MMP16: variants seen among roughly 807,000 people sequenced by gnomAD.
MMP16 encodes matrix metallopeptidase 16.
In MMP16, 12 loss-of-function variants were observed where a neutral mutation model predicts 67.8. The observed-to-expected ratio is 0.18, with a 90% CI of 0.11 to 0.29. The LOEUF (loss-of-function observed/expected upper bound fraction) is 0.29. MMP16 is among the 10% of genes least tolerant of loss of function. MMP16 has a pLI of 1.00. For synonymous variants in MMP16, 249 were observed against 255.9 expected (o/e 0.97, Z 0.26); for missense variants, 475 against 765.7 (o/e 0.62, Z 4.48).
intron 1 of MMP16, among the ~76,000 whole-genome samples, chr8:88,274,383 T>A (rs904518339): frequency 6.6e-6 from 1 of 152,102 alleles, no homozygotes; most frequent in Non-Finnish European, 1.5e-5. Flanking sequence ...TTGTGATTAG[T>A]CTCTGATTAC....
At chr8:88,325,955 C>A (rs928396485) in intron 1 of MMP16, among the ~76,000 whole-genome samples, 1 of 152,124 alleles carries the variant, frequency 6.6e-6, no homozygotes, top group African/African-American at 2.4e-5. Flanking sequence ...TTACATGAAG[C>A]ATGTTCAAAT....
At chr8:88,043,291 C>G (rs996344272) in intron 9 of MMP16, among the ~76,000 whole-genome samples, 1 of 151,980 alleles carries the variant, frequency 6.6e-6, no homozygotes, top group African/African-American at 2.4e-5. Flanking sequence ...CATCTCCTGT[C>G]TTTGTTTTTT....
rs1238448565 is a variant in MMP16, at chr8:88,036,868, C to T, written c.*4593G>A. 6 of 151,566 alleles carry T rather than the reference C, an allele frequency of 4.0e-5. No homozygotes were observed. The highest frequency in any genetic ancestry group is 1.5e-4 in the African/African-American group (6 of 41,344). The allele number at this position is 151,566 out of a possible 1,614,324, so 9.4% of individuals were successfully genotyped here. ...TGCTAAAAAAGACCTTACCACCATC[C>T]AGAAGATTGTTTCAGTATATACTAC... On this transcript the variant is annotated 3_prime_UTR_variant, in exon 10 of 10. Coordinates refer to ENST00000286614, the MANE Select transcript of MMP16 (RefSeq NM_005941.5).
intron 1 of MMP16, among the ~76,000 whole-genome samples, chr8:88,270,759 C>G (rs1810551676): frequency 6.6e-6 from 1 of 152,172 alleles, no homozygotes; most frequent in South Asian, 2.1e-4. Flanking sequence ...CTAGAATAGG[C>G]TAAATCTCTT....
At chr8:88,063,646 A>T (rs1467241490) in intron 7 of MMP16, among the ~76,000 whole-genome samples, 1 of 152,008 alleles carries the variant, frequency 6.6e-6, no homozygotes, top group Non-Finnish European at 1.5e-5. Context: ...TAACGCATTC[A>T]TTTATTTTAC....
chr8:88,319,545 A>G (rs750333068), intron 1 of MMP16, among the ~76,000 whole-genome samples: 1 of 152,082 alleles, frequency 6.6e-6, no homozygotes, highest in African/African-American at 2.4e-5. Flanking sequence ...ACAAATTTCT[A>G]ATTATTATAA....
At chr8:88,238,663 T>TAAAAA (rs34127125) in intron 1 of MMP16, among the ~76,000 whole-genome samples, 2 of 99,888 alleles carry the variant, frequency 2.0e-5, no homozygotes, top group African/African-American at 3.9e-5. Flanking sequence ...AAGACTCTGT[T>TAAAAA]AAAAAAAAAA....
intron 2 of MMP16, among the ~76,000 whole-genome samples, chr8:88,194,078 T>TA (rs1217709654): frequency 6.6e-6 from 1 of 151,968 alleles, no homozygotes; most frequent in Non-Finnish European, 1.5e-5. Context: ...ATTAAGGCAA[T>TA]ATTATATGAC....
At chr8:88,106,187 T>A (rs949612729) in intron 6 of MMP16, among the ~76,000 whole-genome samples, 18 of 151,118 alleles carry the variant, frequency 1.2e-4, no homozygotes, top group Non-Finnish European at 2.1e-4. Flanking sequence ...GTTTCTTGTA[T>A]CCCTTTTAGG....
At chr8:88,291,638 GA>G (rs1380029723) in intron 1 of MMP16, among the ~76,000 whole-genome samples, 1 of 152,092 alleles carries the variant, frequency 6.6e-6, no homozygotes, top group African/African-American at 2.4e-5. Context: ...TTCTTGAGTA[GA>G]AAAATATAAT....
intron 1 of MMP16, among the ~76,000 whole-genome samples, chr8:88,303,672 A>C (rs1811167635): frequency 1.3e-5 from 2 of 152,192 alleles, no homozygotes; most frequent in South Asian, 4.1e-4. Flanking sequence ...TACAGGAAAA[A>C]CTGAGGCAAC....
chr8:88,061,713 T>C (rs938819863), intron 7 of MMP16, among the ~76,000 whole-genome samples: 3 of 152,100 alleles, frequency 2.0e-5, no homozygotes, highest in Non-Finnish European at 4.4e-5. Flanking sequence ...ACAGTTCTTA[T>C]AGGAAATTGT....
chr8:88,318,034 C>T (rs1811400844), intron 1 of MMP16, among the ~76,000 whole-genome samples: 1 of 152,068 alleles, frequency 6.6e-6, no homozygotes, highest in Admixed American at 6.6e-5. Flanking sequence ...AGATGCAACA[C>T]ATAAAAATAA....
chr8:88,186,350 C>G, intron 3 of MMP16, 126 bp downstream of exon 3: 3 of 1,275,898 alleles, frequency 2.4e-6, no homozygotes, highest in Admixed American at 4.0e-5. Context: ...TTTTAAATCT[C>G]TTATGTTAAC....
chr8:88,237,837 C>CT (rs1386938916), intron 1 of MMP16, among the ~76,000 whole-genome samples: 1 of 152,084 alleles, frequency 6.6e-6, no homozygotes, highest in African/African-American at 2.4e-5. Context: ...ATGGATGACT[C>CT]TATTATGAAC....
At chr8:88,310,674 G>A (rs1811280707) in intron 1 of MMP16, among the ~76,000 whole-genome samples, 1 of 152,172 alleles carries the variant, frequency 6.6e-6, no homozygotes, top group African/African-American at 2.4e-5. Context: ...AATTTACTGT[G>A]AGAGACAGCT....
intron 4 of MMP16, among the ~76,000 whole-genome samples, chr8:88,155,038 AC>A: frequency 6.6e-6 from 1 of 152,256 alleles, no homozygotes; most frequent in East Asian, 1.9e-4. Context: ...AGCATGATCA[AC>A]AAAATGTTTG....
At chr8:88,278,206 A>G (rs982243178) in intron 1 of MMP16, among the ~76,000 whole-genome samples, 3 of 152,204 alleles carry the variant, frequency 2.0e-5, no homozygotes, top group Non-Finnish European at 4.4e-5. Flanking sequence ...GGCTGTTCTA[A>G]TATCTTTGTT....
intron 4 of MMP16, among the ~76,000 whole-genome samples, chr8:88,148,062 T>C (rs889878428): frequency 1.3e-5 from 2 of 152,182 alleles, no homozygotes; most frequent in African/African-American, 2.4e-5. Flanking sequence ...ATCTATCCTT[T>C]TGTTCACAAA....
Sources: gnomAD v4.1 joint callset for allele counts (sites outside exome capture counted in the v4.1 genomes callset) on GRCh38, gnomAD v4.1.1 for gene constraint, MANE v1.5 for transcripts, NCBI Gene and HGNC (gene_info 2026-07-23, HGNC 2026-07-21) for gene names.